The following CAMSAP2 variants were observed in gnomAD, a reference collection of about 807,000 sequenced individuals.
CAMSAP2 encodes calmodulin regulated spectrin associated protein family member 2.
CAMSAP2 carries 26 observed loss-of-function variants against 146.1 expected under a neutral mutation model. That is an observed-to-expected ratio of 0.18 (90% CI 0.13 to 0.25). The LOEUF (loss-of-function observed/expected upper bound fraction) is 0.25, where lower values mean the gene tolerates loss of function less well. Ranked by LOEUF, CAMSAP2 falls within the 10% of genes least tolerant of loss-of-function variation. The pLI, the probability that CAMSAP2 is intolerant of heterozygous loss-of-function variation, is 1.00. For missense variants in CAMSAP2, 1,381 were observed against 1,759.3 expected (o/e 0.78, Z 3.85); for synonymous variants, 499 against 596.6 (o/e 0.84, Z 2.38).
chr1:200,847,664 T>C lies in CAMSAP2; in HGVS notation c.1217T>C (p.Met406Thr), dbSNP rs1667495242. 8 of 1,612,476 alleles carry C rather than the reference T, an allele frequency of 5.0e-6. No homozygotes were observed. The highest frequency in any genetic ancestry group is 6.8e-6 in the Non-Finnish European group (8 of 1,179,220). The change falls in exon 10 of 17, where the codon ATG becomes ACG. Residue 406 changes from methionine to threonine, a missense_variant. Transcript: ENST00000358823. Reference sequence around the variant, plus strand: ...GGAGGAATTAGAAGGTCTTCATCTATGTCTTATGTTGATGGCTTCATAGGG... The same window carrying C: ...GGAGGAATTAGAAGGTCTTCATCTACGTCTTATGTTGATGGCTTCATAGGG... Reference protein sequence around the residue: ...ASGGIRRSSSMSYVDGFIGTW... With the variant: ...ASGGIRRSSSTSYVDGFIGTW...
At chr1:200,778,727 T>C (rs1298839622) in intron 2 of CAMSAP2, among the ~76,000 whole-genome samples, 1 of 152,114 alleles carries the variant, frequency 6.6e-6, no homozygotes, top group African/African-American at 2.4e-5. Context: ...AATGATATAT[T>C]TTAGAAACTA....
chr1:200,807,576 C>G (rs910411016), intron 3 of CAMSAP2, 39 bp downstream of exon 3: 4 of 1,346,272 alleles, frequency 3.0e-6, no homozygotes, highest in African/African-American at 1.5e-5. Context: ...CATCTCATAG[C>G]CAGAAAACGT....
intron 11 of CAMSAP2, among the ~76,000 whole-genome samples, chr1:200,850,718 T>G (rs1246191237): frequency 6.6e-6 from 1 of 152,226 alleles, no homozygotes; most frequent in Non-Finnish European, 1.5e-5. Flanking sequence ...TTCTATTCCA[T>G]TTATTTACAC....
intron 8 of CAMSAP2, 67 bp downstream of exon 8, chr1:200,844,936 A>G: frequency 3.9e-6 from 3 of 769,830 alleles, no homozygotes; most frequent in Non-Finnish European, 6.0e-6. Context: ...ACATAATATT[A>G]TATTACATTA....
chr1:200,851,127 C>T (rs1181246911), intron 11 of CAMSAP2, among the ~76,000 whole-genome samples: 3 of 152,144 alleles, frequency 2.0e-5, no homozygotes, highest in African/African-American at 7.2e-5. Flanking sequence ...GAGTTTTCAA[C>T]TGTTTTGTAT....
At chr1:200,843,314 A>G (rs1052313435) in intron 7 of CAMSAP2, among the ~76,000 whole-genome samples, 9 of 152,208 alleles carry the variant, frequency 5.9e-5, no homozygotes, top group Non-Finnish European at 2.9e-5. Context: ...AGTGAGTACA[A>G]TGAGGTTACT....
In CAMSAP2 at chr1:200,849,986, C is replaced by T; in HGVS notation, c.3217C>T (p.Leu1073=). The T allele has an allele frequency of 6.2e-7, 1 of 1,614,066 alleles. No individual in the cohort carries two copies. Among genetic ancestry groups the T allele is most frequent in the Non-Finnish European group, 8.5e-7 (1 of 1,179,996 alleles). Residue 1073 remains leucine (L), a synonymous_variant, in exon 11 of 17, where the codon CTA becomes TTA. Coordinates refer to ENST00000358823, the MANE Select transcript of CAMSAP2 (RefSeq NM_203459.4). This position sits in a 1 kb window ranked among gnomAD's most constrained non-coding sequence, Gnocchi z 6.3. The stretch of plus-strand genomic sequence containing the variant: ...TTTTGAGTCAACAGTCTCTGAAGTC[C>T]TATCACTGCCTGTCACAGAGACTGT... The part of the protein sequence containing the change: ...KPFESTVSEV[L]SLPVTETVCL...
At chr1:200,781,958 T>A (rs1665446433) in intron 2 of CAMSAP2, among the ~76,000 whole-genome samples, 1 of 152,172 alleles carries the variant, frequency 6.6e-6, no homozygotes, top group South Asian at 2.1e-4. Context: ...AGAAATTTCC[T>A]AATTTATTTC....
At position 200,856,200 on chromosome 1, in the gene CAMSAP2, T is replaced by C. The variant is rs115738864; in HGVS notation, c.4012+75T>C. ...AAATGGAGGGTGTACTAAAGAAAAT[T>C]TTATTGGCTCACCTTTGGGTCTTAA... is the stretch of plus-strand genomic sequence containing the variant. On this transcript the variant is annotated intron_variant, in intron 15 of 16. Coordinates refer to ENST00000358823, the MANE Select transcript of CAMSAP2 (RefSeq NM_203459.4). 543 of 1,042,242 alleles carry C rather than the reference T, an allele frequency of 5.2e-4. 2 individuals carry two copies. The African/African-American group carries it at 7.7e-3, about 15-fold the overall frequency. The allele number at this position is 1,042,242 out of a possible 1,614,324, so 64.6% of individuals were successfully genotyped here.
Position 200,848,544 on chromosome 1 carries a change from T to C in CAMSAP2, c.1775T>C (p.Val592Ala). 6.2e-7 allele frequency: 1 copy of C among 1,614,090 alleles called. No homozygotes were observed. Among genetic ancestry groups the C allele is most frequent in the African/African-American group, 1.3e-5 (1 of 75,062 alleles). ...TTAAATCAATCTAGTCCTGATAATG[T>C]AACTGATACGAAAGGTGCCTTGAGT... ...IKLNQSSPDNVTDTKGALSPI... is the reference protein window; with the variant it reads ...IKLNQSSPDNATDTKGALSPI... The change falls in exon 11 of 17, where the codon GTA (valine) becomes GCA (alanine). Residue 592 changes from valine (V) to alanine (A), a missense_variant. By Grantham distance (64) the Val-to-Ala change is moderately conservative. Coordinates refer to ENST00000358823, the MANE Select transcript of CAMSAP2 (RefSeq NM_203459.4).
intron 4 of CAMSAP2, among the ~76,000 whole-genome samples, chr1:200,816,429 C>A (rs1411738576): frequency 1.3e-5 from 2 of 150,236 alleles, no homozygotes; most frequent in East Asian, 4.0e-4. Flanking sequence ...CCCGTCTCTA[C>A]TAAAACTACA....
At chr1:200,817,251 T>A (rs535322073) in intron 4 of CAMSAP2, among the ~76,000 whole-genome samples, 1 of 10,660 alleles carries the variant, frequency 9.4e-5, no homozygotes, top group Non-Finnish European at 1.6e-4. Flanking sequence ...TACACACATA[T>A]GTGTGTGTAT....
chr1:200,820,130 G>A (rs762654579), intron 4 of CAMSAP2, among the ~76,000 whole-genome samples: 18 of 151,194 alleles, frequency 1.2e-4, no homozygotes, highest in Non-Finnish European at 2.2e-4. Flanking sequence ...GCATGATCTC[G>A]GCTCATTGCA....
chr1:200,815,773 A>T, intron 4 of CAMSAP2, 129 bp downstream of exon 4: 1 of 428,044 alleles, frequency 2.3e-6, no homozygotes, highest in Non-Finnish European at 4.2e-6. Flanking sequence ...TACCCTAGAA[A>T]GCCATACTGT....
At chr1:200,822,211 T>A (rs900172787) in intron 4 of CAMSAP2, among the ~76,000 whole-genome samples, 9 of 151,868 alleles carry the variant, frequency 5.9e-5, no homozygotes, top group African/African-American at 2.2e-4. Flanking sequence ...GAAGGTTGCA[T>A]ATATCATGCC....
intron 2 of CAMSAP2, among the ~76,000 whole-genome samples, chr1:200,774,826 C>T (rs1014859616): frequency 6.6e-6 from 1 of 152,116 alleles, no homozygotes; most frequent in African/African-American, 2.4e-5. Flanking sequence ...CTAAGAATTT[C>T]CTGGAGGGAA....
intron 4 of CAMSAP2, among the ~76,000 whole-genome samples, chr1:200,825,563 A>G (rs1009750270): frequency 2.0e-5 from 3 of 149,320 alleles, no homozygotes; most frequent in African/African-American, 2.5e-5. Context: ...CTGGAGTGCA[A>G]TGGTGCGATC....
At chr1:200,791,312 T>C (rs1035821480) in intron 2 of CAMSAP2, among the ~76,000 whole-genome samples, 2 of 152,224 alleles carry the variant, frequency 1.3e-5, no homozygotes, top group Non-Finnish European at 2.9e-5. Context: ...TCTTTTTTTT[T>C]CGGAATTTGG....
At chr1:200,851,638 C>T (rs1322305497) in intron 11 of CAMSAP2, among the ~76,000 whole-genome samples, 1 of 152,180 alleles carries the variant, frequency 6.6e-6, no homozygotes, top group African/African-American at 2.4e-5. Context: ...AGAGTTAAAT[C>T]TCTCTCTGGG....
Sources: gnomAD v4.1 joint callset for allele counts (sites outside exome capture counted in the v4.1 genomes callset) on GRCh38, gnomAD v4.1.1 for gene constraint, Gnocchi (gnomAD v3.1) non-coding constraint, MANE v1.5 for transcripts, NCBI Gene and HGNC (gene_info 2026-07-23, HGNC 2026-07-21) for gene names.